MIA2: variants seen among roughly 807,000 people sequenced by gnomAD.
The protein encoded by MIA2 is MIA SH3 domain ER export factor 2.
Under a neutral mutation model 167.8 loss-of-function variants are expected in MIA2, and 127 were observed. The observed-to-expected ratio is 0.76, with a 90% CI of 0.66 to 0.88. The LOEUF is 0.88. Ranked by LOEUF, MIA2 falls within the 40% of genes least tolerant of loss-of-function variation. MIA2 has a pLI of 0.00. For synonymous variants in MIA2, 552 were observed against 541.9 expected, an observed-to-expected ratio of 1.02 and a Z score of -0.26; for missense variants, 1,690 against 1,624.7, an observed-to-expected ratio of 1.04 and a Z score of -0.69.
exon 24 of MIA2, chr14:39,387,011 TG>T: frequency 1.3e-6 from 1 of 750,690 alleles, no homozygotes; most frequent in Non-Finnish European, 2.3e-6. Context: ...TCTGTTCAAG[TG>T]GAACAGAAGC....
intron 6 of MIA2, among the ~76,000 whole-genome samples, chr14:39,260,769 T>C (rs1357876909): frequency 6.6e-6 from 1 of 152,360 alleles, no homozygotes; most frequent in East Asian, 1.9e-4. Flanking sequence ...GTTTTATTCA[T>C]GAAGTCCTTG....
rs777515592 is a variant in MIA2 at position 39,267,493 on chromosome 14, T to G, written c.1888-9441T>G. The G allele has an allele frequency of 1.2e-5, 19 of 1,613,072 alleles. 1 individual carries two copies. The Admixed American group carries it at 3.0e-4, about 26-fold the overall frequency. ...GCCCGGGGTTACCCCTCAACCGTAT[T>G]TGGGGCTGCTCCTGGAGGAGCTACG... On this transcript the variant is annotated intron_variant, in intron 6 of 28. Coordinates refer to ENST00000640607, the MANE Select transcript of MIA2 (RefSeq NM_001329214.4).
At chr14:39,336,186 T>A (rs961425075) in intron 25 of MIA2, among the ~76,000 whole-genome samples, 4 of 152,214 alleles carry the variant, frequency 2.6e-5, no homozygotes, top group Non-Finnish European at 5.9e-5. Context: ...TCAAACTGAT[T>A]TCCACAGTGG....
chr14:39,371,381 A>G (rs1470148012), intron 23 of MIA2, among the ~76,000 whole-genome samples: 1 of 152,186 alleles, frequency 6.6e-6, no homozygotes, highest in Non-Finnish European at 1.5e-5. Context: ...AAAAAAGACA[A>G]GACTTTTTTA....
chr14:39,382,547 G>T (rs1165228972), intron 23 of MIA2, among the ~76,000 whole-genome samples: 1 of 152,192 alleles, frequency 6.6e-6, no homozygotes, highest in African/African-American at 2.4e-5. Flanking sequence ...GGAGAGTATG[G>T]TCACGTTACT....
At chr14:39,258,099 T>C (rs1460152814) in intron 6 of MIA2, among the ~76,000 whole-genome samples, 1 of 152,152 alleles carries the variant, frequency 6.6e-6, no homozygotes, top group Non-Finnish European at 1.5e-5. Flanking sequence ...CTAGTGGTGT[T>C]CTCTGTATTT....
At chr14:39,286,640 T>C (rs147263047) in intron 9 of MIA2, among the ~76,000 whole-genome samples, 60 of 152,282 alleles carry the variant, frequency 3.9e-4, no homozygotes, top group African/African-American at 1.3e-3. Context: ...CAGATAATTT[T>C]ACTTCTCTGA....
chr14:39,338,728 A>G (rs1303964083), intron 25 of MIA2, among the ~76,000 whole-genome samples: 1 of 152,226 alleles, frequency 6.6e-6, no homozygotes, highest in Non-Finnish European at 1.5e-5. Context: ...GTTGTTAAGA[A>G]AAAACACAAA....
chr14:39,293,682 TTAAAAC>T (rs2061028171), intron 11 of MIA2, among the ~76,000 whole-genome samples: 1 of 152,192 alleles, frequency 6.6e-6, no homozygotes, highest in Non-Finnish European at 1.5e-5. Flanking sequence ...TATATTAACA[TTAAAAC>T]TTTTTCTTTT....
intron 13 of MIA2, among the ~76,000 whole-genome samples, chr14:39,298,564 A>G (rs1247610920): frequency 0.033 from 148 of 4,502 alleles, no homozygotes; most frequent in African/African-American, 0.11. Flanking sequence ...TGTGAGCAAC[A>G]TGGCTGTTTA....
intron 26 of MIA2, 35 bp downstream of exon 26, chr14:39,346,061 T>G (rs372232545): frequency 5.9e-5 from 93 of 1,587,486 alleles, no homozygotes; most frequent in Middle Eastern, 3.4e-4. Context: ...TCTTTAAAAA[T>G]TTTGGTGGCA....
intron 14 of MIA2, 134 bp from the exon 15 acceptor site, chr14:39,301,995 A>T: frequency 1.0e-6 from 1 of 975,526 alleles, no homozygotes; most frequent in Non-Finnish European, 1.5e-6. Context: ...TCTTAATAAG[A>T]GGTGGAAAAT....
intron 9 of MIA2, among the ~76,000 whole-genome samples, chr14:39,279,885 C>A (rs1270774585): frequency 6.6e-6 from 1 of 152,172 alleles, no homozygotes; most frequent in African/African-American, 2.4e-5. Context: ...CCCTAACAAC[C>A]TTATTTTATT....
At chr14:39,260,104 G>A (rs1298292196) in intron 6 of MIA2, among the ~76,000 whole-genome samples, 2 of 152,230 alleles carry the variant, frequency 1.3e-5, no homozygotes, top group East Asian at 3.9e-4. Flanking sequence ...AATCCAGTCT[G>A]TCATTGATGG....
chr14:39,299,050 T>TGA (rs948280033), intron 13 of MIA2, among the ~76,000 whole-genome samples: 8 of 104,906 alleles, frequency 7.6e-5, no homozygotes, highest in Admixed American at 1.5e-4. Flanking sequence ...GATGACAGAA[T>TGA]GAGACCCTCC....
Position 39,269,074 on chromosome 14 carries a change from G to GTT in MIA2, c.1888-7836_1888-7835dup, listed in dbSNP as rs3065036. On this transcript the variant is annotated intron_variant, in intron 6 of 28. Transcript: ENST00000640607. ...GGTGCGTTGTATCTTCACCTGCACA[G>GTT]TTTTTTTTTTTTTTTTTTTTTTTTT... The GTT allele has an allele frequency of 2.9e-3, 1,708 of 582,384 alleles. 8 individuals carry two copies. Among genetic ancestry groups the GTT allele is most frequent in the South Asian group, 5.7e-3 (66 of 11,480 alleles). 36.1% of individuals were successfully genotyped at this position (582,384 alleles called of 1,614,324 possible).
chr14:39,254,283 T>A (rs1252928135), intron 6 of MIA2, among the ~76,000 whole-genome samples: 1 of 152,168 alleles, frequency 6.6e-6, no homozygotes, highest in Non-Finnish European at 1.5e-5. Flanking sequence ...TGGAGCACAA[T>A]AAGCAATTGA....
intron 3 of MIA2, among the ~76,000 whole-genome samples, chr14:39,244,214 G>T (rs2054188110): frequency 6.6e-6 from 1 of 152,252 alleles, no homozygotes. Context: ...TATATGGCTG[G>T]CTTTGGAGAA....
intron 23 of MIA2, among the ~76,000 whole-genome samples, chr14:39,373,532 G>C (rs1368249033): frequency 6.6e-6 from 1 of 152,192 alleles, no homozygotes; most frequent in African/African-American, 2.4e-5. Flanking sequence ...GTAGAAATGA[G>C]AAAATAGGGC....
Sources: gnomAD v4.1 joint callset for allele counts (sites outside exome capture counted in the v4.1 genomes callset) on GRCh38, gnomAD v4.1.1 for gene constraint, MANE v1.5 for transcripts, NCBI Gene and HGNC (gene_info 2026-07-23, HGNC 2026-07-21) for gene names.